Variants in ERCC1 observed in about 807,000 individuals in gnomAD.
ERCC1 encodes the protein DNA excision repair protein ERCC-1.
Under a neutral mutation model 37.6 loss-of-function variants are expected in ERCC1, and 36 were observed. The observed-to-expected ratio is 0.96, with a 90% CI of 0.73 to 1.26. The LOEUF (loss-of-function observed/expected upper bound fraction) is 1.26, where lower values mean the gene tolerates loss of function less well. Ranked by LOEUF, ERCC1 falls within the 50% of genes most tolerant of loss-of-function variation. The pLI is 0.00. For missense variants in ERCC1, 349 were observed against 376.5 expected, an observed-to-expected ratio of 0.93 and a Z score of 0.60; for synonymous variants, 156 against 162.1, an observed-to-expected ratio of 0.96 and a Z score of 0.28.
chr19:45,426,328 G>A (rs1209161292), upstream of ERCC1, among the ~76,000 whole-genome samples: 2 of 140,054 alleles, frequency 1.4e-5, no homozygotes, highest in Non-Finnish European at 3.0e-5. Flanking sequence ...GCAGTGAGCC[G>A]AGATTGTGCC....
chr19:45,428,902 C>T (rs1974769355), upstream of ERCC1: 1 of 152,094 alleles, frequency 6.6e-6, no homozygotes. Flanking sequence ...TTTATAGCGC[C>T]CGGAGCCCGA....
intron 1 of ERCC1, among the ~76,000 whole-genome samples, chr19:45,448,881 C>A (rs1326613524): frequency 6.6e-6 from 1 of 152,036 alleles, no homozygotes; most frequent in East Asian, 1.9e-4. Flanking sequence ...CCAGAAACAG[C>A]CAGTGCCATG....
intron 1 of ERCC1, among the ~76,000 whole-genome samples, chr19:45,442,725 CAAGG>C (rs1026297773): frequency 6.6e-6 from 1 of 152,062 alleles, no homozygotes; most frequent in Non-Finnish European, 1.5e-5. Flanking sequence ...GGTGGGGAGT[CAAGG>C]AAGGCTGCCT....
In ERCC1 at chr19:45,409,339, G is replaced by A. The variant is rs143359960; in HGVS notation, c.*336C>T. ...GACAGCCTGAAGCCAGGGCAACTCC[G>A]GGATCCACCAAGAAGAGGAAGAAGC... On this transcript the variant is annotated 3_prime_UTR_variant, in exon 10 of 10. Coordinates refer to ENST00000300853, the MANE Select transcript of ERCC1 (RefSeq NM_001983.4). 3.0e-5 allele frequency: 49 copies of A among 1,614,106 alleles called. 1 individual carries two copies. The Middle Eastern group carries it at 1.2e-3, about 38-fold the overall frequency.
chr19:45,409,847 T>A, intron 9 of ERCC1, 122 bp from the exon 10 acceptor site: 1 of 653,186 alleles, frequency 1.5e-6, no homozygotes, highest in East Asian at 2.8e-5. Flanking sequence ...ATCCATTGAG[T>A]TACAAACAAT....
chr19:45,432,373 C>T (rs1974857949), intron 1 of ERCC1, among the ~76,000 whole-genome samples: 2 of 151,462 alleles, frequency 1.3e-5, no homozygotes, highest in South Asian at 2.1e-4. Context: ...CAAACTCAAG[C>T]GATACTTCCA....
upstream of ERCC1, among the ~76,000 whole-genome samples, chr19:45,424,922 CTTTTTTTTT>C (rs986137310): frequency 2.5e-5 from 3 of 121,904 alleles, no homozygotes; most frequent in Non-Finnish European, 5.1e-5. Flanking sequence ...TCTTTTTTTT[CTTTTTTTTT>C]TTTTTTTCGA....
chr19:45,443,984 G>C (rs2123611869), intron 1 of ERCC1, among the ~76,000 whole-genome samples: 1 of 134,040 alleles, frequency 7.5e-6, no homozygotes, highest in South Asian at 2.3e-4. Context: ...TAAACTTCCA[G>C]TGTCCCCGGT....
intron 4 of ERCC1, 115 bp from the exon 5 acceptor site, chr19:45,419,312 G>T: frequency 1.3e-6 from 1 of 767,782 alleles, no homozygotes; most frequent in Non-Finnish European, 2.3e-6. Context: ...GGGACAGAGG[G>T]TCCTGAGGCC....
Position 45,408,880 on chromosome 19 carries a change from G to A in ERCC1, c.*795C>T, listed in dbSNP as rs1304153580. The A allele has an allele frequency of 1.1e-5, 18 of 1,614,072 alleles. No homozygotes were observed. The highest frequency in any genetic ancestry group is 1.5e-5 in the Non-Finnish European group (18 of 1,180,052). ...CGGAAGGGATGGAGCCAGAGGAGGG[G>A]GTGACAGTTGAGTCTCAGCCACAGG... On this transcript the variant is annotated 3_prime_UTR_variant, in exon 10 of 10. Transcript: ENST00000300853.
intron 1 of ERCC1, among the ~76,000 whole-genome samples, chr19:45,449,426 A>C (rs1967044750): frequency 6.6e-6 from 1 of 152,022 alleles, no homozygotes; most frequent in African/African-American, 2.4e-5. Context: ...AGGCCAAGGC[A>C]GGAAGATTGG....
At position 45,408,855 on chromosome 19, in the gene ERCC1, C is replaced by T. The variant is rs143986145; in HGVS notation, c.*820G>A. The T allele has an allele frequency of 2.6e-4, 420 of 1,614,018 alleles. No individual in the cohort carries two copies. The highest frequency in any genetic ancestry group is 2.4e-3 in the East Asian group (108 of 44,876). On this transcript the variant is annotated 3_prime_UTR_variant, in exon 10 of 10. Coordinates refer to ENST00000300853, the MANE Select transcript of ERCC1 (RefSeq NM_001983.4). ...AAAAAGAGAAAGAGGCAAAAGGGGA[C>T]GGAAGGGATGGAGCCAGAGGAGGGG... is the stretch of plus-strand genomic sequence containing the variant.
At chr19:45,438,450 G>GTGTT (rs772074589) in intron 1 of ERCC1, among the ~76,000 whole-genome samples, 98 of 151,938 alleles carry the variant, frequency 6.4e-4, no homozygotes, top group African/African-American at 2.2e-3. Context: ...TATTTTTTAT[G>GTGTT]TGTTTGTTTG....
At chr19:45,413,779 A>G (rs780542835) in intron 8 of ERCC1, 34 bp from the exon 9 acceptor site, 2 of 1,611,582 alleles carry the variant, frequency 1.2e-6, no homozygotes, top group African/African-American at 1.3e-5. Flanking sequence ...AGGGCAGTTG[A>G]GCACAAAAGC....
At chr19:45,443,016 C>T (rs770558364) in intron 1 of ERCC1, among the ~76,000 whole-genome samples, 2 of 151,704 alleles carry the variant, frequency 1.3e-5, no homozygotes, top group African/African-American at 2.4e-5. Context: ...TCATGCCCCG[C>T]GGGGGGGATG....
chr19:45,416,221 G>A (rs900123769), intron 6 of ERCC1, among the ~76,000 whole-genome samples: 4 of 152,198 alleles, frequency 2.6e-5, no homozygotes, highest in Non-Finnish European at 5.9e-5. Flanking sequence ...CAAAAGCCAC[G>A]CCTGGCACTG....
intron 9 of ERCC1, chr19:45,413,402 G>T: frequency 1.6e-6 from 1 of 632,424 alleles, no homozygotes; most frequent in Non-Finnish European, 2.8e-6. Flanking sequence ...CAGTAGCTGA[G>T]ACTACAGGCA....
Position 45,421,236 on chromosome 19 carries a change from G to T in ERCC1, c.263C>A (p.Pro88His). Reference protein sequence around the residue: ...TGSEPLAGETPNQALKPGAKS... With the variant: ...TGSEPLAGETHNQALKPGAKS... ...TGCCCCGGGTTTCAGGGCCTGGTTGGGCGTCTCTCCTGCCAGGGGCTCTGA... is the reference window on the plus strand; with the variant it reads ...TGCCCCGGGTTTCAGGGCCTGGTTGTGCGTCTCTCCTGCCAGGGGCTCTGA... The change falls in exon 3 of 10, where the codon CCC becomes CAC. Residue 88 changes from proline to histidine, a missense_variant. Physicochemically the swap from Pro to His is moderately conservative, Grantham distance 77. Coordinates refer to ENST00000300853, the MANE Select transcript of ERCC1 (RefSeq NM_001983.4). The T allele has an allele frequency of 6.2e-7, 1 of 1,614,188 alleles. No individual in the cohort carries two copies. The highest frequency in any genetic ancestry group is 1.1e-5 in the South Asian group (1 of 91,082).
rs1474986125 is a variant in ERCC1, at chr19:45,409,314, G to A, written c.*361C>T. The A allele has an allele frequency of 1.2e-6, 2 of 1,614,052 alleles. No individual in the cohort carries two copies. Among genetic ancestry groups the A allele is most frequent in the South Asian group, 2.2e-5 (2 of 91,064 alleles). On this transcript the variant is annotated 3_prime_UTR_variant, in exon 10 of 10. Transcript: ENST00000300853. ...CTAGAGCCTGAACTGCCAGGGGAGG[G>A]ACAGCCTGAAGCCAGGGCAACTCCG...
Sources: gnomAD v4.1 joint callset for allele counts (sites outside exome capture counted in the v4.1 genomes callset) on GRCh38, gnomAD v4.1.1 for gene constraint, MANE v1.5 for transcripts, NCBI Gene and HGNC (gene_info 2026-07-23, HGNC 2026-07-21) for gene names.